Variants in FMNL3 observed in about 807,000 individuals in gnomAD.
FMNL3 encodes formin like 3, also known as formin-like protein 3.
Under a neutral mutation model 119.6 loss-of-function variants are expected in FMNL3, and 57 were observed. The observed-to-expected ratio is 0.48, with a 90% CI of 0.39 to 0.59. The LOEUF (loss-of-function observed/expected upper bound fraction) is 0.59. Ranked by LOEUF, FMNL3 falls within the 20% of genes least tolerant of loss-of-function variation. FMNL3 has a pLI of 0.00. For missense variants in FMNL3, 1,053 were observed against 1,323.5 expected (o/e 0.80, Z 3.17); for synonymous variants, 491 against 507.3 (o/e 0.97, Z 0.43).
intron 14 of FMNL3, 93 bp from the exon 15 acceptor site, chr12:49,651,543 T>TAAAAA: frequency 1.3e-6 from 1 of 798,536 alleles, no homozygotes; most frequent in Non-Finnish European, 1.7e-6. Flanking sequence ...CTCTGAGAGT[T>TAAAAA]AAAAAAAAAA....
intron 8 of FMNL3, 31 bp downstream of exon 8, chr12:49,656,792 G>A (rs1484295441): frequency 1.3e-6 from 2 of 1,581,020 alleles, no homozygotes; most frequent in African/African-American, 1.3e-5. Context: ...CCTGGACAGA[G>A]TGGGGAGGAA....
At chr12:49,686,592 A>G (rs1444852381) in intron 1 of FMNL3, among the ~76,000 whole-genome samples, 1 of 151,268 alleles carries the variant, frequency 6.6e-6, no homozygotes, top group African/African-American at 2.4e-5. Context: ...AAAAAAAAAA[A>G]AAAAAAAAGT....
chr12:49,655,652 G>A (rs1943546250), intron 9 of FMNL3, among the ~76,000 whole-genome samples: 1 of 152,190 alleles, frequency 6.6e-6, no homozygotes, highest in African/African-American at 2.4e-5. Flanking sequence ...GAGACAGGAG[G>A]CTGCAGTCCT....
intron 5 of FMNL3, chr12:49,659,948 G>C (rs1439968290): frequency 1.0e-6 from 1 of 985,334 alleles, no homozygotes; most frequent in Non-Finnish European, 1.2e-6. Flanking sequence ...AGGCACAGAG[G>C]TTGAGGCTTT....
In FMNL3 at chr12:49,693,817, T is replaced by C. The variant is rs1288371912; in HGVS notation, c.126+13238A>G. On this transcript the variant is annotated intron_variant, in intron 1 of 25. Coordinates refer to ENST00000335154, the MANE Select transcript of FMNL3 (RefSeq NM_175736.5). ...GCACGCACCACCACACCTGGCTAAT[T>C]TTGTATTTTTAGTAGAGGCGGGGTT... 2.0e-5 allele frequency among the ~76,000 whole-genome samples: 3 copies of C among 151,434 alleles called. No homozygotes were observed. In the East Asian group the frequency reaches 5.8e-4, roughly 29 times the overall value.
intron 1 of FMNL3, among the ~76,000 whole-genome samples, chr12:49,671,144 C>T (rs1018411454): frequency 6.6e-6 from 1 of 152,234 alleles, no homozygotes; most frequent in Admixed American, 6.5e-5. Context: ...CCACTGTCAG[C>T]AGCTGTGGCT....
chr12:49,645,743 G>T lies in FMNL3; in HGVS notation c.*72C>A. On this transcript the variant is annotated 3_prime_UTR_variant, in exon 26 of 26. Transcript: ENST00000335154. ...CAACACAGCCCTCTCCTGAGCCCTT[G>T]GCCAATTCCAGGTCCACTGGTTGGA... 1.5e-6 allele frequency: 2 copies of T among 1,353,332 alleles called. No individual in the cohort carries two copies. Among genetic ancestry groups the T allele is most frequent in the Non-Finnish European group, 2.0e-6 (2 of 981,336 alleles). The allele number at this position is 1,353,332 out of a possible 1,614,324, so 83.8% of individuals were successfully genotyped here.
rs1941979240 is a variant in FMNL3, at chr12:49,637,409, C to T, written c.*8406G>A. The T allele has an allele frequency of 8.5e-7, 1 of 1,170,222 alleles. No individual in the cohort carries two copies. Among genetic ancestry groups the T allele is most frequent in the African/African-American group, 1.5e-5 (1 of 66,424 alleles). The allele number at this position is 1,170,222 out of a possible 1,614,324, so 72.5% of individuals were successfully genotyped here. ...TCCTCTGCCATTCCCTCTCTTCCCCCTCAGTCTGTGGCTCTGCCTCCCTGT... is the reference window on the plus strand; with the variant it reads ...TCCTCTGCCATTCCCTCTCTTCCCCTTCAGTCTGTGGCTCTGCCTCCCTGT... On this transcript the variant is annotated 3_prime_UTR_variant, in exon 26 of 26. Coordinates refer to ENST00000335154, the MANE Select transcript of FMNL3 (RefSeq NM_175736.5).
chr12:49,699,219 A>G (rs1944836669), intron 1 of FMNL3, among the ~76,000 whole-genome samples: 1 of 152,080 alleles, frequency 6.6e-6, no homozygotes, highest in Non-Finnish European at 1.5e-5. Context: ...GGCAGCCAAC[A>G]CTGCTGTCCC....
intron 8 of FMNL3, 40 bp downstream of exon 8, chr12:49,656,783 C>T: frequency 6.4e-7 from 1 of 1,563,272 alleles, no homozygotes; most frequent in Non-Finnish European, 8.8e-7. Flanking sequence ...CTCCAGAGCC[C>T]TGGACAGAGT....
rs960082854 is a variant in FMNL3, at chr12:49,647,121, C to G, written c.2872-112G>C. ...CACTGCTTGTGCACTGCTAGGAATC[C>G]CCAAAGGCCCTCCCTCCATCCCTCT... On this transcript the variant is annotated intron_variant, in intron 24 of 25. Transcript: ENST00000335154. This position sits in a 1 kb window ranked among gnomAD's most constrained non-coding sequence, Gnocchi z 4.9. 6.4e-7 allele frequency: 1 copy of G among 1,569,570 alleles called. No homozygotes were observed. The highest frequency in any genetic ancestry group is 1.7e-5 in the Admixed American group (1 of 57,970).
chr12:49,690,446 ATATT>A (rs1334758886), intron 1 of FMNL3, among the ~76,000 whole-genome samples: 4 of 152,212 alleles, frequency 2.6e-5, no homozygotes, highest in Non-Finnish European at 5.9e-5. Flanking sequence ...TCATAATTAA[ATATT>A]TATTTAATAT....
Position 49,637,663 on chromosome 12 carries a change from T to A in FMNL3, c.*8152A>T. 6.4e-7 allele frequency: 1 copy of A among 1,553,484 alleles called. No homozygotes were observed. The highest frequency in any genetic ancestry group is 1.1e-5 in the South Asian group (1 of 89,042). On this transcript the variant is annotated 3_prime_UTR_variant, in exon 26 of 26. Transcript: ENST00000335154. Reference sequence around the variant, plus strand: ...CTCTGCACCCCCTACTACCGGCTCCTGTCCTCGGCCCAGCCCCCAGGCCTT... The same window carrying A: ...CTCTGCACCCCCTACTACCGGCTCCAGTCCTCGGCCCAGCCCCCAGGCCTT...
At chr12:49,686,815 C>T (rs543881681) in intron 1 of FMNL3, among the ~76,000 whole-genome samples, 1 of 152,188 alleles carries the variant, frequency 6.6e-6, no homozygotes, top group South Asian at 2.1e-4. Flanking sequence ...TAATCAGCAC[C>T]CTACCCGGCC....
rs770893930 is a variant in FMNL3 at position 49,649,072 on chromosome 12, A to G, written c.2472T>C (p.Ala824=). ...CAAAGTGCAGCTCATGCCAGAAGTT[A>G]GCCAGGTCTGGGTATTTCTCCTTCA... The part of the protein sequence containing the change: ...LTVKEKYPDL[A]NFWHELHFVE... Residue 824 remains alanine, a synonymous_variant, in exon 21 of 26, where the codon GCT becomes GCC. Transcript: ENST00000335154. This position sits in a 1 kb window ranked among gnomAD's most constrained non-coding sequence, Gnocchi z 5.6. 5 of 1,612,664 alleles carry G rather than the reference A, an allele frequency of 3.1e-6. No individual in the cohort carries two copies. Among genetic ancestry groups the G allele is most frequent in the Admixed American group, 3.3e-5 (2 of 59,890 alleles).
At chr12:49,678,820 G>A (rs1486498247) in intron 1 of FMNL3, among the ~76,000 whole-genome samples, 1 of 152,148 alleles carries the variant, frequency 6.6e-6, no homozygotes, top group African/African-American at 2.4e-5. Context: ...GAGCAGAAGG[G>A]AAGATGGTGA....
At chr12:49,651,536 T>G (rs1592643698) in intron 14 of FMNL3, 86 bp from the exon 15 acceptor site, 1 of 1,095,650 alleles carries the variant, frequency 9.1e-7, no homozygotes, top group East Asian at 2.9e-5. Context: ...CCACCTTCTC[T>G]GAGAGTTAAA....
rs1942084959 is a variant in FMNL3, at chr12:49,638,024, A to G, written c.*7791T>C. The G allele has an allele frequency of 1.7e-6, 1 of 573,714 alleles. No individual in the cohort carries two copies. The highest frequency in any genetic ancestry group is 3.1e-6 in the Non-Finnish European group (1 of 321,740). 35.5% of individuals were successfully genotyped at this position (573,714 alleles called of 1,614,324 possible). A position where few individuals can be genotyped will look rare whatever the true frequency, so the allele number is the denominator to read the frequency against. ...CAGGAGCTCATGGTCTAATAGGAAG[A>G]TATACATGAGAACTGTTATACAAAG... is the stretch of plus-strand genomic sequence containing the variant. On this transcript the variant is annotated 3_prime_UTR_variant, in exon 26 of 26. Coordinates refer to ENST00000335154, the MANE Select transcript of FMNL3 (RefSeq NM_175736.5).
At position 49,642,321 on chromosome 12, in the gene FMNL3, CA is replaced by C; in HGVS notation, c.*3493del. The C allele has an allele frequency of 6.2e-7, 1 of 1,614,128 alleles. No homozygotes were observed. Among genetic ancestry groups the C allele is most frequent in the East Asian group, 2.2e-5 (1 of 44,886 alleles). ...GGCGCAGGGAAGCTGCCTTTCGAAG[CA>C]TGCTGAGGCAGGCTGTGCCTGCTCT... On this transcript the variant is annotated 3_prime_UTR_variant, in exon 26 of 26. Transcript: ENST00000335154. This position sits in a 1 kb window ranked among gnomAD's most constrained non-coding sequence, Gnocchi z 5.8.
Sources: allele counts gnomAD v4.1 joint callset (sites outside exome capture counted in the v4.1 genomes callset), GRCh38; gene constraint gnomAD v4.1.1; non-coding constraint Gnocchi (gnomAD v3.1); transcripts MANE v1.5; gene names NCBI Gene and HGNC (gene_info 2026-07-23, HGNC 2026-07-21).